Variants in GYS2 observed in about 807,000 individuals in gnomAD.
GYS2 encodes the protein glycogen synthase 2.
A neutral mutation model predicts 85.6 loss-of-function variants in GYS2; 80 were observed. The observed-to-expected ratio is 0.93, with a 90% CI of 0.78 to 1.13. The LOEUF (loss-of-function observed/expected upper bound fraction) is 1.13. GYS2 is among the 50% of genes most tolerant of loss of function. GYS2 has a pLI of 0.00. For synonymous variants in GYS2, 328 were observed against 300.7 expected (o/e 1.09, Z -0.94); for missense variants, 881 against 854.9 (o/e 1.03, Z -0.38).
chr12:21,589,416 T>C (rs1944609798), intron 1 of GYS2, among the ~76,000 whole-genome samples: 1 of 152,076 alleles, frequency 6.6e-6, no homozygotes, highest in Non-Finnish European at 1.5e-5. Context: ...CTATTAGAAA[T>C]AAAAACATAA....
chr12:21,565,556 T>A (rs906790234), intron 5 of GYS2, among the ~76,000 whole-genome samples: 1 of 149,496 alleles, frequency 6.7e-6, no homozygotes, highest in African/African-American at 2.4e-5. Flanking sequence ...CATAGTAAAA[T>A]GTAGTAAAAT....
At chr12:21,559,242 T>C (rs1944221892) in intron 9 of GYS2, 73 bp from the exon 10 acceptor site, 11 of 691,070 alleles carry the variant, frequency 1.6e-5, no homozygotes, top group East Asian at 8.5e-5. Context: ...AGCATCAGAT[T>C]ATATATTATA....
chr12:21,567,021 T>A (rs1387627999), intron 5 of GYS2, among the ~76,000 whole-genome samples: 1 of 152,146 alleles, frequency 6.6e-6, no homozygotes, highest in Non-Finnish European at 1.5e-5. Flanking sequence ...GAAAGTAGAA[T>A]GTGCAGTGTC....
At chr12:21,587,723 T>C (rs9971862) in intron 1 of GYS2, among the ~76,000 whole-genome samples, 7 of 151,884 alleles carry the variant, frequency 4.6e-5, no homozygotes, top group African/African-American at 1.7e-4. Context: ...TATAAATAAA[T>C]TTTAAAAATA....
Position 21,580,530 on chromosome 12 carries a change from A to T in GYS2, c.122-7T>A. 1 of 1,607,990 alleles carries T rather than the reference A, an allele frequency of 6.2e-7. No homozygotes were observed. The highest frequency in any genetic ancestry group is 8.5e-7 in the Non-Finnish European group (1 of 1,175,430). On this transcript the variant is annotated splice_region_variant and splice_polypyrimidine_tract_variant and intron_variant, in intron 1 of 15. Transcript: ENST00000261195. ...ACAGTATAGATGCCTCCAACTGTTA[A>T]AAGGAAAAAAGTTTCTATTATCATT...
At position 21,539,322 on chromosome 12, in the gene GYS2, C is replaced by T; in HGVS notation, c.1826G>A (p.Arg609Lys). 1 of 1,600,400 alleles carries T rather than the reference C, an allele frequency of 6.2e-7. No individual in the cohort carries two copies. Among genetic ancestry groups the T allele is most frequent in the Non-Finnish European group, 8.6e-7 (1 of 1,167,672 alleles). Reference protein sequence around the residue: ...RYLGRYYQHARHLTLSRAFPD... With the variant: ...RYLGRYYQHAKHLTLSRAFPD... ...AAAAGCTCTGCTTAATGTCAGGTGT[C>T]TGGCATGCTGGTAATACTATTGATA... Residue 609 changes from arginine (R) to lysine (K), a missense_variant, in exon 15 of 16, where the codon AGA (arginine) becomes AAA (lysine). Transcript: ENST00000261195.
At chr12:21,569,391 C>T (rs1468399582) in intron 4 of GYS2, among the ~76,000 whole-genome samples, 1 of 152,104 alleles carries the variant, frequency 6.6e-6, no homozygotes, top group Non-Finnish European at 1.5e-5. Flanking sequence ...AACAATGAAA[C>T]AAAGTTGACA....
chr12:21,546,292 A>G, intron 12 of GYS2, 52 bp downstream of exon 12: 2 of 1,309,444 alleles, frequency 1.5e-6, no homozygotes, highest in Non-Finnish European at 2.2e-6. Flanking sequence ...TGCACATAAA[A>G]TAATATACTA....
intron 1 of GYS2, among the ~76,000 whole-genome samples, chr12:21,590,909 T>C (rs1944631483): frequency 6.6e-6 from 1 of 152,140 alleles, no homozygotes; most frequent in Non-Finnish European, 1.5e-5. Flanking sequence ...ATGAAGACTA[T>C]GCTGCTGTAT....
At chr12:21,535,552 T>C (rs1054841631), downstream of GYS2, among the ~76,000 whole-genome samples, 2 of 152,202 alleles carry the variant, frequency 1.3e-5, no homozygotes, top group African/African-American at 4.8e-5. Context: ...TTTCCAGCTA[T>C]CTTCCATTTT....
At chr12:21,549,668 A>G (rs752112129) in intron 11 of GYS2, among the ~76,000 whole-genome samples, 2 of 152,216 alleles carry the variant, frequency 1.3e-5, no homozygotes, top group Admixed American at 6.5e-5. Context: ...ATGTCCCTCA[A>G]TGCGGGTTTG....
chr12:21,596,782 T>C (rs1944701638), intron 1 of GYS2, among the ~76,000 whole-genome samples: 1 of 152,154 alleles, frequency 6.6e-6, no homozygotes, highest in African/African-American at 2.4e-5. Context: ...ATAAAGGGCA[T>C]TCAAATCAGT....
chr12:21,546,256 A>T, intron 12 of GYS2, 88 bp downstream of exon 12: 1 of 954,242 alleles, frequency 1.0e-6, no homozygotes, highest in Non-Finnish European at 1.5e-6. Context: ...TTAGAAATTT[A>T]ATATCAACTT....
chr12:21,548,170 G>A (rs1944064133), intron 11 of GYS2, among the ~76,000 whole-genome samples: 2 of 152,168 alleles, frequency 1.3e-5, no homozygotes, highest in Non-Finnish European at 2.9e-5. Context: ...TAATGCAAGT[G>A]ACTTCTTTGC....
At chr12:21,557,768 G>A (rs1306566663) in intron 11 of GYS2, among the ~76,000 whole-genome samples, 1 of 152,036 alleles carries the variant, frequency 6.6e-6, no homozygotes, top group African/African-American at 2.4e-5. Flanking sequence ...GCATGGTTGC[G>A]GGCGCCTGTA....
At chr12:21,564,128 G>T (rs955724939) in intron 5 of GYS2, among the ~76,000 whole-genome samples, 6 of 152,034 alleles carry the variant, frequency 3.9e-5, no homozygotes, top group Admixed American at 2.0e-4. Flanking sequence ...GAATACATGG[G>T]TTATCAGATT....
At chr12:21,537,966 T>G (rs550695476) in intron 15 of GYS2, among the ~76,000 whole-genome samples, 2 of 152,310 alleles carry the variant, frequency 1.3e-5, no homozygotes, top group South Asian at 2.1e-4. Context: ...ATGTCATACA[T>G]GTACAGTCAT....
chr12:21,538,074 C>T (rs546593751), intron 15 of GYS2, among the ~76,000 whole-genome samples: 16 of 152,100 alleles, frequency 1.1e-4, no homozygotes, highest in South Asian at 2.1e-4. Context: ...GCTTATTAGA[C>T]GTAATAACTG....
chr12:21,541,292 C>CAAAAAAAAA (rs1230079238), intron 13 of GYS2, among the ~76,000 whole-genome samples: 1 of 106,258 alleles, frequency 9.4e-6, no homozygotes, highest in African/African-American at 3.7e-5. Flanking sequence ...AAAAAAAAAA[C>CAAAAAAAAA]AAAAAACCCA....
Sources: allele counts gnomAD v4.1 joint callset (sites outside exome capture counted in the v4.1 genomes callset), GRCh38; gene constraint gnomAD v4.1.1; transcripts MANE v1.5; gene names NCBI Gene and HGNC (gene_info 2026-07-23, HGNC 2026-07-21).